Variants in RPS6KA1 observed in about 807,000 individuals in gnomAD.
RPS6KA1 encodes the protein ribosomal protein S6 kinase alpha-1.
Under a neutral mutation model 91.3 loss-of-function variants are expected in RPS6KA1, and 48 were observed. That is an observed-to-expected ratio of 0.53 (90% CI 0.42 to 0.67). The LOEUF (loss-of-function observed/expected upper bound fraction) is 0.67. Among genes scored for constraint, RPS6KA1 ranks in the 30% least tolerant of loss-of-function variants. The pLI, the probability that RPS6KA1 is intolerant of heterozygous loss-of-function variation, is 0.00. For synonymous variants in RPS6KA1, 359 were observed against 384.7 expected (o/e 0.93, Z 0.78); for missense variants, 719 against 960.5 (o/e 0.75, Z 3.32).
chr1:26,573,487 G>A (rs2076268199), intron 21 of RPS6KA1, 126 bp downstream of exon 21: 2 of 1,117,442 alleles, frequency 1.8e-6, no homozygotes, highest in African/African-American at 1.5e-5. Flanking sequence ...CATAGGAGAA[G>A]AAGACACAGC....
intron 1 of RPS6KA1, chr1:26,530,675 G>T: frequency 2.6e-6 from 3 of 1,153,516 alleles, no homozygotes; most frequent in African/African-American, 3.2e-5. Flanking sequence ...GGTAGGAAGG[G>T]CTGGGCCCTT....
intron 17 of RPS6KA1, among the ~76,000 whole-genome samples, chr1:26,570,989 G>A (rs903771617): frequency 4.7e-5 from 7 of 148,640 alleles, no homozygotes; most frequent in East Asian, 2.1e-4. Flanking sequence ...CAGCCATGGC[G>A]GCGGGTGCCT....
At position 26,557,115 on chromosome 1, in the gene RPS6KA1, T is replaced by A; in HGVS notation, c.1084+15T>A. 2 of 1,603,086 alleles carry A rather than the reference T, an allele frequency of 1.2e-6. No individual in the cohort carries two copies. Among genetic ancestry groups the A allele is most frequent in the Non-Finnish European group, 1.7e-6 (2 of 1,170,656 alleles). On this transcript the variant is annotated intron_variant, in intron 13 of 21. Coordinates refer to ENST00000374168, the MANE Select transcript of RPS6KA1 (RefSeq NM_002953.4). ...CACACCCAAGGGTGCGTCCCTTATC[T>A]GTTTTGTCTGTCTTGGGCTGGTACA...
intron 21 of RPS6KA1, among the ~76,000 whole-genome samples, chr1:26,573,665 C>T (rs1236290363): frequency 3.3e-5 from 5 of 152,116 alleles, no homozygotes; most frequent in East Asian, 1.9e-4. Flanking sequence ...CTAGGCTGGG[C>T]GCGGTGGCTC....
chr1:26,561,188 T>C lies in RPS6KA1; in HGVS notation c.1431+54T>C. ...GGGACCAGGAACTCAACTCTCAGGATTTGTCTCAGGATTGCCATTCCTTTG... is the reference window on the plus strand; with the variant it reads ...GGGACCAGGAACTCAACTCTCAGGACTTGTCTCAGGATTGCCATTCCTTTG... On this transcript the variant is annotated intron_variant, in intron 16 of 21. Coordinates refer to ENST00000374168, the MANE Select transcript of RPS6KA1 (RefSeq NM_002953.4). This position sits in a 1 kb window ranked among gnomAD's most constrained non-coding sequence, Gnocchi z 5.7. 1.3e-6 allele frequency: 2 copies of C among 1,490,580 alleles called. No individual in the cohort carries two copies. The highest frequency in any genetic ancestry group is 1.9e-6 in the Non-Finnish European group (2 of 1,070,114). The allele number at this position is 1,490,580 out of a possible 1,614,324, so 92.3% of individuals were successfully genotyped here. A position where few individuals can be genotyped will look rare whatever the true frequency, so the allele number is the denominator to read the frequency against.
At chr1:26,568,754 AAAAT>A (rs1439065282) in intron 17 of RPS6KA1, among the ~76,000 whole-genome samples, 1 of 152,160 alleles carries the variant, frequency 6.6e-6, no homozygotes, top group Non-Finnish European at 1.5e-5. Flanking sequence ...CCATCTCAGA[AAAAT>A]AAATTAATTT....
At position 26,529,984 on chromosome 1, in the gene RPS6KA1, G is replaced by A. The variant is rs1469726083; in HGVS notation, c.63+1G>A. 8.5e-6 allele frequency: 12 copies of A among 1,403,980 alleles called. No homozygotes were observed. The highest frequency in any genetic ancestry group is 3.3e-5 in the East Asian group (1 of 30,644). 87.0% of individuals were successfully genotyped at this position (1,403,980 alleles called of 1,614,324 possible). A position where few individuals can be genotyped will look rare whatever the true frequency, so the allele number is the denominator to read the frequency against. On this transcript the variant is annotated splice_donor_variant, in intron 1 of 21. Coordinates refer to ENST00000374168, the MANE Select transcript of RPS6KA1 (RefSeq NM_002953.4). LOFTEE classifies it high-confidence loss of function. The surrounding 1 kb of genome is among the most constrained non-coding windows in gnomAD (Gnocchi z 4.2). ...GGAGCTAGTGCCTCTGGACCCGGAGGTGAGTGAGCGGGGCGGGGGACGGGC... is the reference window on the plus strand; with the variant it reads ...GGAGCTAGTGCCTCTGGACCCGGAGATGAGTGAGCGGGGCGGGGGACGGGC...
rs2075854329 is a variant in RPS6KA1, at chr1:26,529,818, G to C, written c.-103G>C. 3 of 858,270 alleles carry C rather than the reference G, an allele frequency of 3.5e-6. No homozygotes were observed. The highest frequency in any genetic ancestry group is 1.8e-5 in the African/African-American group (1 of 55,194). 53.2% of individuals were successfully genotyped at this position (858,270 alleles called of 1,614,324 possible). A position where few individuals can be genotyped will look rare whatever the true frequency, so the allele number is the denominator to read the frequency against. ...GGCCCAGCCGGAGCGCGAGGGGCTC[G>C]GGGGGGCGCGGCGGTTCGGGTCGCA... is the stretch of plus-strand genomic sequence containing the variant. On this transcript the variant is annotated 5_prime_UTR_variant, in exon 1 of 22. Transcript: ENST00000374168. This position sits in a 1 kb window ranked among gnomAD's most constrained non-coding sequence, Gnocchi z 4.2.
In RPS6KA1 at chr1:26,554,735, G is replaced by A; in HGVS notation, c.753G>A (p.Leu251=). 5 of 1,599,606 alleles carry A rather than the reference G, an allele frequency of 3.1e-6. No homozygotes were observed. Among genetic ancestry groups the A allele is most frequent in the Non-Finnish European group, 4.3e-6 (5 of 1,168,866 alleles). ...HSADWWSYGV[L]MFEMLTGSLP... is the part of the protein sequence containing the mutation. The stretch of plus-strand genomic sequence containing the variant: ...CGGACTGGTGGTCCTATGGGGTGTT[G>A]ATGGTGAGTGCCCAGACAGGGGTAA... The change falls in exon 9 of 22, where the codon TTG becomes TTA. Residue 251 remains leucine (L), a synonymous_variant. Coordinates refer to ENST00000374168, the MANE Select transcript of RPS6KA1 (RefSeq NM_002953.4). The surrounding 1 kb of genome is among the most constrained non-coding windows in gnomAD (Gnocchi z 4.6).
chr1:26,546,716 C>G, intron 2 of RPS6KA1, 151 bp from the exon 3 acceptor site: 2 of 608,098 alleles, frequency 3.3e-6, no homozygotes, highest in South Asian at 3.8e-5. Context: ...CTTTTGAAAT[C>G]GATGACCCTG....
At chr1:26,565,518 T>C (rs392814) in intron 17 of RPS6KA1, among the ~76,000 whole-genome samples, 52,855 of 151,594 alleles carry the variant, frequency 0.35, 10,115 homozygotes, top group East Asian at 0.75. Flanking sequence ...CTAGTAGGTT[T>C]ATTTTGCCCG....
chr1:26,545,547 A>G (rs2075986694), intron 2 of RPS6KA1, among the ~76,000 whole-genome samples: 1 of 151,952 alleles, frequency 6.6e-6, no homozygotes, highest in African/African-American at 2.4e-5. Context: ...CATATCAGGC[A>G]CCTGTCTTTG....
In RPS6KA1 at chr1:26,554,554, G is replaced by A. The variant is rs2076082025; in HGVS notation, c.614-42G>A. ...TGTGCAAAGGGTGGCAGCAAGGAAG[G>A]CAGGGGTCCTAAGGTGTGTCCTCCT... is the stretch of plus-strand genomic sequence containing the variant. On this transcript the variant is annotated intron_variant, in intron 8 of 21. Coordinates refer to ENST00000374168, the MANE Select transcript of RPS6KA1 (RefSeq NM_002953.4). The surrounding 1 kb of genome is among the most constrained non-coding windows in gnomAD (Gnocchi z 4.6). 2 of 1,574,562 alleles carry A rather than the reference G, an allele frequency of 1.3e-6. No individual in the cohort carries two copies. The highest frequency in any genetic ancestry group is 2.3e-5 in the East Asian group (1 of 44,128).
intron 1 of RPS6KA1, chr1:26,530,718 C>A: frequency 7.9e-7 from 1 of 1,272,728 alleles, no homozygotes; most frequent in Non-Finnish European, 1.0e-6. Flanking sequence ...CCAGACTCCC[C>A]AGACAACCCA....
chr1:26,555,542 A>C lies in RPS6KA1; in HGVS notation c.833A>C (p.Lys278Thr). 1 of 1,591,274 alleles carries C rather than the reference A, an allele frequency of 6.3e-7. No homozygotes were observed. The highest frequency in any genetic ancestry group is 8.6e-7 in the Non-Finnish European group (1 of 1,167,780). ...KETMTLILKA[K>T]LGMPQFLSTE... ...AGTCCCGGGGGCTGTTTCAGGGCGA[A>C]GCTAGGCATGCCCCAGTTTCTGAGC... is the stretch of plus-strand genomic sequence containing the variant. Residue 278 changes from lysine to threonine, a missense_variant, in exon 11 of 22, where the codon AAG (lysine) becomes ACG (threonine). Physicochemically the swap from Lys to Thr is moderately conservative, Grantham distance 78. Transcript: ENST00000374168. The surrounding 1 kb of genome is among the most constrained non-coding windows in gnomAD (Gnocchi z 4.3).
intron 17 of RPS6KA1, among the ~76,000 whole-genome samples, chr1:26,564,703 C>G (rs996147422): frequency 6.6e-6 from 1 of 152,158 alleles, no homozygotes; most frequent in Admixed American, 6.5e-5. Flanking sequence ...CTGATTATGT[C>G]TAATTTTTTA....
intron 11 of RPS6KA1, chr1:26,556,071 C>T (rs1484024641): frequency 2.8e-5 from 6 of 214,446 alleles, no homozygotes; most frequent in East Asian, 1.1e-4. Context: ...CTCTCTGCAC[C>T]GCAGGTTCCT....
chr1:26,555,751 C>A lies in RPS6KA1; in HGVS notation c.916+126C>A. The A allele has an allele frequency of 1.1e-6, 1 of 901,728 alleles. No homozygotes were observed. The highest frequency in any genetic ancestry group is 1.8e-6 in the Non-Finnish European group (1 of 566,784). 55.9% of individuals were successfully genotyped at this position (901,728 alleles called of 1,614,324 possible). On this transcript the variant is annotated intron_variant, in intron 11 of 21. Coordinates refer to ENST00000374168, the MANE Select transcript of RPS6KA1 (RefSeq NM_002953.4). This position sits in a 1 kb window ranked among gnomAD's most constrained non-coding sequence, Gnocchi z 4.3. ...TCCTTTGTGTGGGCAGACAATGCCG[C>A]GGGCCACCCTGCTTTCTGGCTCCAT...
chr1:26,545,012 T>C (rs1365620859), intron 2 of RPS6KA1, among the ~76,000 whole-genome samples: 1 of 152,114 alleles, frequency 6.6e-6, no homozygotes, highest in Admixed American at 6.6e-5. Context: ...ATGAGTCCCC[T>C]CCTGCTTCCC....
Sources: allele counts gnomAD v4.1 joint callset (sites outside exome capture counted in the v4.1 genomes callset), GRCh38; gene constraint gnomAD v4.1.1; non-coding constraint Gnocchi (gnomAD v3.1); transcripts MANE v1.5; gene names NCBI Gene and HGNC (gene_info 2026-07-23, HGNC 2026-07-21).